Variants in DNM3 observed in about 807,000 individuals in gnomAD.
DNM3 encodes the protein dynamin 3.
Under a neutral mutation model 101.6 loss-of-function variants are expected in DNM3, and 47 were observed. That is an observed-to-expected ratio of 0.46 (90% confidence interval 0.37 to 0.59). The LOEUF is 0.59. Ranked by LOEUF, DNM3 falls within the 20% of genes least tolerant of loss-of-function variation. DNM3 has a pLI of 0.00. For missense variants in DNM3, 849 were observed against 1,085.7 expected, an observed-to-expected ratio of 0.78 and a Z score of 3.06; for synonymous variants, 385 against 387.9, an observed-to-expected ratio of 0.99 and a Z score of 0.09.
chr1:172,294,942 T>C (rs1213529681), intron 15 of DNM3, among the ~76,000 whole-genome samples: 1 of 149,816 alleles, frequency 6.7e-6, no homozygotes, highest in Non-Finnish European at 1.5e-5. Context: ...TAAAAAGTTA[T>C]AAGTTTCACT....
intron 15 of DNM3, among the ~76,000 whole-genome samples, chr1:172,295,761 C>G (rs186419782): frequency 6.6e-6 from 1 of 152,140 alleles, no homozygotes; most frequent in Non-Finnish European, 1.5e-5. Flanking sequence ...TGAAACTTTC[C>G]TAATCAAAAA....
At chr1:172,255,156 A>C (rs760896091) in intron 15 of DNM3, among the ~76,000 whole-genome samples, 1 of 152,184 alleles carries the variant, frequency 6.6e-6, no homozygotes, top group Non-Finnish European at 1.5e-5. Context: ...AGGAAAGAAA[A>C]TTAAGTACAA....
At chr1:172,285,491 C>T (rs1004880884) in intron 15 of DNM3, among the ~76,000 whole-genome samples, 6 of 152,202 alleles carry the variant, frequency 3.9e-5, no homozygotes, top group Admixed American at 3.9e-4. Context: ...CATCTTGGGC[C>T]CAAGCACATC....
At chr1:171,927,731 G>T (rs900628532) in intron 2 of DNM3, among the ~76,000 whole-genome samples, 1 of 152,162 alleles carries the variant, frequency 6.6e-6, no homozygotes, top group Non-Finnish European at 1.5e-5. Flanking sequence ...GAGGGAGCTG[G>T]CTATATTGTC....
intron 13 of DNM3, among the ~76,000 whole-genome samples, chr1:172,110,772 A>G (rs571020484): frequency 1.8e-4 from 27 of 152,242 alleles, no homozygotes; most frequent in Non-Finnish European, 3.4e-4. Flanking sequence ...GCAGTTGCTC[A>G]TGCCTGTAAT....
At chr1:172,360,925 G>T (rs957463403) in intron 17 of DNM3, among the ~76,000 whole-genome samples, 5 of 151,948 alleles carry the variant, frequency 3.3e-5, no homozygotes, top group African/African-American at 1.2e-4. Context: ...CCAAAAGGTG[G>T]GACTGGCAGG....
intron 14 of DNM3, among the ~76,000 whole-genome samples, chr1:172,151,039 G>A (rs1280903497): frequency 6.6e-6 from 1 of 152,142 alleles, no homozygotes; most frequent in Non-Finnish European, 1.5e-5. Flanking sequence ...GTGTACAAAT[G>A]TATGTGAGCA....
At chr1:172,179,241 CA>C (rs2059261531) in intron 14 of DNM3, among the ~76,000 whole-genome samples, 1 of 151,804 alleles carries the variant, frequency 6.6e-6, no homozygotes, top group South Asian at 2.1e-4. Flanking sequence ...GGAATTTGGC[CA>C]CTGGTTGTGT....
At chr1:172,383,791 A>G (rs1353569733) in intron 18 of DNM3, among the ~76,000 whole-genome samples, 1 of 152,218 alleles carries the variant, frequency 6.6e-6, no homozygotes, top group African/African-American at 2.4e-5. Flanking sequence ...TACACTGAGC[A>G]GAGCGACATG....
At chr1:171,957,199 C>CTTTTT (rs377678762) in intron 2 of DNM3, among the ~76,000 whole-genome samples, 14 of 138,338 alleles carry the variant, frequency 1.0e-4, no homozygotes, top group Non-Finnish European at 1.4e-4. Context: ...TTCTTTCTTT[C>CTTTTT]TTTTTTTTTT....
chr1:172,130,428 A>G (rs1172039626), intron 13 of DNM3, among the ~76,000 whole-genome samples: 1 of 151,892 alleles, frequency 6.6e-6, no homozygotes, highest in African/African-American at 2.4e-5. Flanking sequence ...ATACTTATCT[A>G]TAAATAATTT....
intron 14 of DNM3, among the ~76,000 whole-genome samples, chr1:172,170,020 G>A (rs1334281935): frequency 1.3e-5 from 2 of 151,792 alleles, no homozygotes; most frequent in Non-Finnish European, 2.9e-5. Context: ...TTCTAAGTAT[G>A]TTTAGGAAGC....
intron 9 of DNM3, among the ~76,000 whole-genome samples, chr1:172,044,867 T>C (rs1251082131): frequency 6.6e-6 from 1 of 152,178 alleles, no homozygotes; most frequent in Non-Finnish European, 1.5e-5. Context: ...TTCAAGTTTA[T>C]CCTTTCCTGT....
chr1:172,146,505 CT>C (rs1435255386), intron 14 of DNM3, among the ~76,000 whole-genome samples: 5 of 152,082 alleles, frequency 3.3e-5, no homozygotes, highest in Non-Finnish European at 5.9e-5. Flanking sequence ...ATATTTGTGT[CT>C]TTAGGACCTA....
rs572045970 is a variant in DNM3 at position 171,905,445 on chromosome 1, T to C, written c.162-16303T>C. Among the ~76,000 whole-genome samples the C allele has an allele frequency of 6.6e-5, 10 of 152,286 alleles. No individual in the cohort carries two copies. In the East Asian group the frequency reaches 1.7e-3, roughly 26 times the overall value. On this transcript the variant is annotated intron_variant, in intron 1 of 20. Transcript: ENST00000627582. ...GGTTATGAGAATTGAATGAAATGAC[T>C]TACCTTAAAGAGACAGAAAGTAGCT...
intron 16 of DNM3, among the ~76,000 whole-genome samples, chr1:172,320,459 G>A (rs949200544): frequency 6.6e-6 from 1 of 151,682 alleles, no homozygotes; most frequent in African/African-American, 2.4e-5. Context: ...CATAAAAAAG[G>A]ATGAGTTCAT....
chr1:172,056,976 A>T (rs944063745), intron 10 of DNM3, among the ~76,000 whole-genome samples: 1 of 152,080 alleles, frequency 6.6e-6, no homozygotes, highest in Non-Finnish European at 1.5e-5. Flanking sequence ...TAACTAGAAT[A>T]ACCAATACAG....
At chr1:172,198,437 G>T (rs1356247959) in intron 14 of DNM3, among the ~76,000 whole-genome samples, 1 of 152,086 alleles carries the variant, frequency 6.6e-6, no homozygotes, top group Admixed American at 6.6e-5. Flanking sequence ...CATAGATTAA[G>T]TTGGGGAGGA....
chr1:172,344,204 G>A (rs925292352), intron 17 of DNM3, among the ~76,000 whole-genome samples: 7 of 152,044 alleles, frequency 4.6e-5, no homozygotes, highest in African/African-American at 7.2e-5. Flanking sequence ...TTTTCATTGC[G>A]TTGGCAAAAA....
Sources: allele counts gnomAD v4.1 joint callset (sites outside exome capture counted in the v4.1 genomes callset), GRCh38; gene constraint gnomAD v4.1.1; transcripts MANE v1.5; gene names NCBI Gene and HGNC (gene_info 2026-07-23, HGNC 2026-07-21).